The following ELOVL2 variants were observed in gnomAD, a reference collection of about 807,000 sequenced individuals.
ELOVL2 encodes the protein ELOVL fatty acid elongase 2, also known as very long chain fatty acid elongase 2.
Under a neutral mutation model 37.7 loss-of-function variants are expected in ELOVL2, and 38 were observed. The ratio of observed to expected loss-of-function variants is 1.01; its 90% CI spans 0.78 to 1.32. The LOEUF (loss-of-function observed/expected upper bound fraction) is 1.32, where lower values mean the gene tolerates loss of function less well. Ranked by LOEUF, ELOVL2 falls within the 40% of genes most tolerant of loss-of-function variation. ELOVL2 has a pLI of 0.00. For synonymous variants in ELOVL2, 115 were observed against 122.3 expected (o/e 0.94, Z 0.40); for missense variants, 352 against 363.6 (o/e 0.97, Z 0.26).
intron 1 of ELOVL2, among the ~76,000 whole-genome samples, chr6:11,014,861 TTAACTTA>T (rs1483953495): frequency 1.3e-5 from 2 of 152,212 alleles, no homozygotes; most frequent in Admixed American, 1.3e-4. Context: ...CCTAGTTTAT[TTAACTTA>T]TTTTTATTAG....
intron 1 of ELOVL2, among the ~76,000 whole-genome samples, chr6:11,025,698 A>G (rs2113547914): frequency 6.6e-6 from 1 of 152,266 alleles, no homozygotes; most frequent in South Asian, 2.1e-4. Context: ...AAGTTTATGG[A>G]TCAATGTCTT....
rs1457268342 is a variant in ELOVL2 at position 10,982,510 on chromosome 6, C to A, written c.*1271G>T. 1 of 152,106 alleles carries A rather than the reference C, an allele frequency of 6.6e-6. No individual in the cohort carries two copies. The highest frequency in any genetic ancestry group is 2.4e-5 in the African/African-American group (1 of 41,424). The allele number at this position is 152,106 out of a possible 1,614,324, so 9.4% of individuals were successfully genotyped here. On this transcript the variant is annotated 3_prime_UTR_variant, in exon 8 of 8. Transcript: ENST00000354666. ...TTCAAAAAAATCTTCAGAAAATATT[C>A]TTTGTTTCCATTCTTGGTAGAGTTT...
intron 2 of ELOVL2, 36 bp downstream of exon 2, chr6:11,010,709 GT>G (rs1223622957): frequency 6.6e-7 from 1 of 1,512,252 alleles, no homozygotes; most frequent in Non-Finnish European, 9.2e-7. Flanking sequence ...TTCTTCCTGT[GT>G]TCCTTCCACA....
intron 2 of ELOVL2, among the ~76,000 whole-genome samples, chr6:11,009,302 A>G (rs948275516): frequency 6.6e-6 from 1 of 152,234 alleles, no homozygotes; most frequent in Non-Finnish European, 1.5e-5. Flanking sequence ...TTTCCTGTAC[A>G]TATACACCTA....
intron 1 of ELOVL2, among the ~76,000 whole-genome samples, chr6:11,014,282 C>G (rs1011123929): frequency 6.6e-6 from 1 of 152,094 alleles, no homozygotes; most frequent in African/African-American, 2.4e-5. Context: ...AGTTCGAAAC[C>G]GGTTTGGCCA....
chr6:10,985,070 A>ATGTTATCTCATTG (rs1782022848), intron 7 of ELOVL2, among the ~76,000 whole-genome samples: 1 of 152,086 alleles, frequency 6.6e-6, no homozygotes, highest in Admixed American at 6.5e-5. Flanking sequence ...CTGGTGTGAG[A>ATGTTATCTCATTG]TGTTATCTCA....
At chr6:11,008,410 C>T (rs962507137) in intron 2 of ELOVL2, among the ~76,000 whole-genome samples, 1 of 152,220 alleles carries the variant, frequency 6.6e-6, no homozygotes, top group South Asian at 2.1e-4. Flanking sequence ...GTTTAACTGT[C>T]TAGTCGAAGT....
intron 4 of ELOVL2, among the ~76,000 whole-genome samples, chr6:10,997,599 CTAA>C (rs1782292760): frequency 6.6e-6 from 1 of 152,112 alleles, no homozygotes; most frequent in African/African-American, 2.4e-5. Flanking sequence ...TGAAGAATTT[CTAA>C]TATTATAGGT....
chr6:11,037,170 CAA>C (rs1491390108), intron 1 of ELOVL2, among the ~76,000 whole-genome samples: 2 of 124,218 alleles, frequency 1.6e-5, no homozygotes, highest in African/African-American at 3.2e-5. Context: ...GGGAAAGAGA[CAA>C]GAGAGGCAGA....
chr6:11,002,037 G>A (rs899481870), intron 3 of ELOVL2, among the ~76,000 whole-genome samples: 1 of 152,100 alleles, frequency 6.6e-6, no homozygotes, highest in Non-Finnish European at 1.5e-5. Context: ...TTCTATGTAG[G>A]AGCTAGAGTG....
chr6:11,019,910 A>G (rs1030502826), intron 1 of ELOVL2, among the ~76,000 whole-genome samples: 4 of 151,722 alleles, frequency 2.6e-5, no homozygotes, highest in Non-Finnish European at 5.9e-5. Flanking sequence ...CGCCCGGCCA[A>G]TTTTTGTATA....
intron 1 of ELOVL2, among the ~76,000 whole-genome samples, chr6:11,042,296 G>C (rs1346798940): frequency 6.6e-6 from 1 of 151,992 alleles, no homozygotes; most frequent in African/African-American, 2.4e-5. Flanking sequence ...CTGGGTGACA[G>C]AGTGAGACCC....
At chr6:10,995,688 C>T (rs545535130) in intron 4 of ELOVL2, among the ~76,000 whole-genome samples, 4 of 152,200 alleles carry the variant, frequency 2.6e-5, no homozygotes, top group Non-Finnish European at 5.9e-5. Flanking sequence ...CTTTTTCAGG[C>T]TGAACTGCTG....
intron 1 of ELOVL2, among the ~76,000 whole-genome samples, chr6:11,027,447 A>C (rs907498871): frequency 1.3e-5 from 2 of 152,180 alleles, no homozygotes; most frequent in Admixed American, 6.5e-5. Flanking sequence ...TTCTGATAGA[A>C]ATTTACCCAC....
chr6:11,031,435 A>G (rs1352666604), intron 1 of ELOVL2, among the ~76,000 whole-genome samples: 3 of 152,158 alleles, frequency 2.0e-5, no homozygotes, highest in Non-Finnish European at 4.4e-5. Flanking sequence ...TTAATTTGCA[A>G]TTCCTTATTA....
intron 1 of ELOVL2, among the ~76,000 whole-genome samples, chr6:11,018,831 G>T (rs1782721963): frequency 6.6e-6 from 1 of 152,130 alleles, no homozygotes; most frequent in African/African-American, 2.4e-5. Context: ...GCTATCTGAT[G>T]AAATTCAAAC....
intron 3 of ELOVL2, among the ~76,000 whole-genome samples, chr6:11,004,613 C>G (rs533013320): frequency 6.6e-6 from 1 of 152,056 alleles, no homozygotes; most frequent in Non-Finnish European, 1.5e-5. Context: ...GCTAAAACGT[C>G]AGTGTTCCAA....
rs1289837437 is a variant in ELOVL2, at chr6:10,982,870, CTTCTGCTAG to C, written c.*902_*910del. On this transcript the variant is annotated 3_prime_UTR_variant, in exon 8 of 8. Coordinates refer to ENST00000354666, the MANE Select transcript of ELOVL2 (RefSeq NM_017770.4). ...CTATTTTGCTCCCATCACTCTGCTA[CTTCTGCTAG>C]TTCTGATTTATACATATTCCAGCAG... is the stretch of plus-strand genomic sequence containing the variant. 2 of 152,226 alleles carry C rather than the reference CTTCTGCTAG, an allele frequency of 1.3e-5. No homozygotes were observed. Among genetic ancestry groups the C allele is most frequent in the African/African-American group, 2.4e-5 (1 of 41,458 alleles). 9.4% of individuals were successfully genotyped at this position (152,226 alleles called of 1,614,324 possible).
rs753694787 is a variant in ELOVL2 at position 10,989,740 on chromosome 6, A to G, written c.728T>C (p.Leu243Pro). The change falls in exon 7 of 8, where the codon CTA becomes CCA. Residue 243 changes from leucine to proline, a missense_variant. By Grantham distance (98) the Leu-to-Pro change is moderately conservative. Coordinates refer to ENST00000354666, the MANE Select transcript of ELOVL2 (RefSeq NM_017770.4). ...GCLIFQSSYM[L>P]TLVILFLNFY... ...ATTTAAGAAGAGGATGACTAACGTTAGCATATAAGATGACTGGAAGATGAG... is the reference window on the plus strand; with the variant it reads ...ATTTAAGAAGAGGATGACTAACGTTGGCATATAAGATGACTGGAAGATGAG... The G allele has an allele frequency of 1.2e-6, 2 of 1,614,092 alleles. No individual in the cohort carries two copies. The highest frequency in any genetic ancestry group is 2.2e-5 in the South Asian group (2 of 91,080).
Sources: gnomAD v4.1 joint callset for allele counts (sites outside exome capture counted in the v4.1 genomes callset) on GRCh38, gnomAD v4.1.1 for gene constraint, MANE v1.5 for transcripts, NCBI Gene and HGNC (gene_info 2026-07-23, HGNC 2026-07-21) for gene names.